ZNF782: variants seen among roughly 807,000 people sequenced by gnomAD.
The protein encoded by ZNF782 is zinc finger protein 782.
Under a neutral mutation model 13.0 loss-of-function variants are expected in ZNF782, and 12 were observed. The ratio of observed to expected loss-of-function variants is 0.92; its 90% CI spans 0.59 to 1.50. The LOEUF (loss-of-function observed/expected upper bound fraction) is 1.50. Ranked by LOEUF, ZNF782 falls within the 40% of genes most tolerant of loss-of-function variation. The probability of loss-of-function intolerance (pLI) is 0.00; values close to 1 mark genes in which losing one functional copy is unlikely to be tolerated. For synonymous variants in ZNF782, 284 were observed against 283.0 expected, an observed-to-expected ratio of 1.00 and a Z score of -0.04; for missense variants, 770 against 822.9, an observed-to-expected ratio of 0.94 and a Z score of 0.79.
At chr9:96,901,499 T>C in the ZNF782 span, among the ~76,000 whole-genome samples, 2 of 151,732 alleles carry the variant, frequency 1.3e-5, no homozygotes, top group African/African-American at 2.4e-5. Flanking sequence ...CTCAAACTCC[T>C]GACCTAAGGA....
intron 1 of ZNF782, among the ~76,000 whole-genome samples, chr9:96,875,025 T>C (rs1000893779): frequency 6.6e-6 from 1 of 152,208 alleles, no homozygotes; most frequent in African/African-American, 2.4e-5. Flanking sequence ...TTTCCCTGTG[T>C]ATTTTGGGTC....
chr9:96,839,561 G>A (rs920733023), intron 4 of ZNF782, among the ~76,000 whole-genome samples: 1 of 151,996 alleles, frequency 6.6e-6, no homozygotes, highest in South Asian at 2.1e-4. Context: ...TTTAAATTTA[G>A]TGTAATCTTT....
chr9:96,920,683 G>A, the ZNF782 span, among the ~76,000 whole-genome samples: 727 of 149,492 alleles, frequency 4.9e-3, 7 homozygotes, highest in African/African-American at 0.017. Context: ...TTGGGAGGCC[G>A]AGGCAGGCGG....
chr9:96,915,254 G>T, the ZNF782 span, among the ~76,000 whole-genome samples: 1 of 152,022 alleles, frequency 6.6e-6, no homozygotes, highest in Non-Finnish European at 1.5e-5. Context: ...AATAAATTGG[G>T]GTCCTGTTCA....
At chr9:96,925,184 C>A in the ZNF782 span, among the ~76,000 whole-genome samples, 1 of 152,150 alleles carries the variant, frequency 6.6e-6, no homozygotes, top group Admixed American at 6.5e-5. Flanking sequence ...TGGAACCCCG[C>A]CCGCCTCGAG....
the ZNF782 span, among the ~76,000 whole-genome samples, chr9:96,930,876 T>G: frequency 5.2e-4 from 24 of 45,988 alleles, no homozygotes; most frequent in East Asian, 1.4e-3. Flanking sequence ...CCAGTGGTTT[T>G]TTTTTTTTTT....
At chr9:96,851,090 G>T (rs1395336872) in intron 3 of ZNF782, among the ~76,000 whole-genome samples, 2 of 151,570 alleles carry the variant, frequency 1.3e-5, no homozygotes, top group African/African-American at 4.8e-5. Context: ...TTTTCTCTTG[G>T]TTTATACCTT....
intron 1 of ZNF782, among the ~76,000 whole-genome samples, chr9:96,861,799 C>T (rs1048643385): frequency 6.6e-6 from 1 of 152,140 alleles, no homozygotes; most frequent in African/African-American, 2.4e-5. Context: ...AGGTAACCAT[C>T]GTACACTGTT....
chr9:96,930,528 A>G, the ZNF782 span, among the ~76,000 whole-genome samples: 20 of 148,220 alleles, frequency 1.3e-4, no homozygotes, highest in East Asian at 3.0e-3. Context: ...CGTCTCAAAA[A>G]AAAAAAAAAA....
chr9:96,919,047 G>A, the ZNF782 span: 1 of 223,336 alleles, frequency 4.5e-6, no homozygotes, highest in East Asian at 1.1e-4. Flanking sequence ...AAAAAAGAAA[G>A]AAGACAGGGA....
chr9:96,830,791 G>T (rs971029431), intron 4 of ZNF782, among the ~76,000 whole-genome samples: 1 of 152,134 alleles, frequency 6.6e-6, no homozygotes, highest in African/African-American at 2.4e-5. Flanking sequence ...ATCTGATAAA[G>T]ACTTTAAATA....
chr9:96,897,188 A>C, the ZNF782 span, among the ~76,000 whole-genome samples: 5 of 152,112 alleles, frequency 3.3e-5, no homozygotes, highest in African/African-American at 1.2e-4. Flanking sequence ...GGCACTGGAG[A>C]GTTTCATGTG....
At chr9:96,882,229 G>T in the ZNF782 span, among the ~76,000 whole-genome samples, 1 of 151,988 alleles carries the variant, frequency 6.6e-6, no homozygotes, top group Admixed American at 6.6e-5. Context: ...AAAGTTACTA[G>T]ATCTGCATTT....
At chr9:96,833,966 C>T (rs780368601) in intron 4 of ZNF782, among the ~76,000 whole-genome samples, 5 of 152,110 alleles carry the variant, frequency 3.3e-5, no homozygotes, top group Non-Finnish European at 7.4e-5. Context: ...TTTGACGTAT[C>T]CCCTGCTATG....
At position 96,817,833 on chromosome 9, in the gene ZNF782, T is replaced by C; in HGVS notation, c.*90A>G. The C allele has an allele frequency of 8.6e-7, 1 of 1,158,416 alleles. No homozygotes were observed. Among genetic ancestry groups the C allele is most frequent in the Non-Finnish European group, 1.2e-6 (1 of 828,176 alleles). 71.8% of individuals were successfully genotyped at this position (1,158,416 alleles called of 1,614,324 possible). A position where few individuals can be genotyped will look rare whatever the true frequency, so the allele number is the denominator to read the frequency against. On this transcript the variant is annotated 3_prime_UTR_variant, in exon 6 of 6. Transcript: ENST00000481138. ...GTAGAGGAAATTCCAGTGCTCACTA[T>C]GTTAACAGTTCTCTCCTGTGTGTTC...
At chr9:96,877,674 A>C (rs925172673), upstream of ZNF782, among the ~76,000 whole-genome samples, 10 of 151,962 alleles carry the variant, frequency 6.6e-5, no homozygotes, top group African/African-American at 2.4e-4. Flanking sequence ...GTCTTGAAGC[A>C]ATTTCCCGGC....
upstream of ZNF782, among the ~76,000 whole-genome samples, chr9:96,877,438 C>T (rs887511177): frequency 2.0e-5 from 3 of 152,252 alleles, no homozygotes; most frequent in Admixed American, 2.0e-4. Flanking sequence ...CGGGGCGAAG[C>T]CGCCCCCGGA....
At chr9:96,927,024 C>T in the ZNF782 span, among the ~76,000 whole-genome samples, 1 of 152,134 alleles carries the variant, frequency 6.6e-6, no homozygotes, top group African/African-American at 2.4e-5. Flanking sequence ...TAACACTCCC[C>T]TTGTTCACAA....
chr9:96,863,436 A>G (rs957660294), intron 1 of ZNF782, among the ~76,000 whole-genome samples: 16 of 152,188 alleles, frequency 1.1e-4, no homozygotes, highest in African/African-American at 3.9e-4. Flanking sequence ...TAGTACAACC[A>G]CTATGGAAAA....
Sources: allele counts gnomAD v4.1 joint callset (sites outside exome capture counted in the v4.1 genomes callset), GRCh38; gene constraint gnomAD v4.1.1; transcripts MANE v1.5; gene names NCBI Gene and HGNC (gene_info 2026-07-23, HGNC 2026-07-21).